Variants in CYRIA observed in about 807,000 individuals in gnomAD.
The protein encoded by CYRIA is CYFIP related Rac1 interactor A.
Under a neutral mutation model 43.9 loss-of-function variants are expected in CYRIA, and 15 were observed. That is an observed-to-expected ratio of 0.34 (90% CI 0.23 to 0.53). The LOEUF (loss-of-function observed/expected upper bound fraction) is 0.53. Ranked by LOEUF, CYRIA falls within the 20% of genes least tolerant of loss-of-function variation. The probability of loss-of-function intolerance (pLI) is 0.94; values close to 1 mark genes in which losing one functional copy is unlikely to be tolerated. For synonymous variants in CYRIA, 117 were observed against 136.0 expected, an observed-to-expected ratio of 0.86 and a Z score of 0.97; for missense variants, 236 against 394.2, an observed-to-expected ratio of 0.60 and a Z score of 3.40.
intron 3 of CYRIA, among the ~76,000 whole-genome samples, chr2:16,578,776 G>A (rs1572474950): frequency 6.6e-6 from 1 of 152,160 alleles, no homozygotes; most frequent in South Asian, 2.1e-4. Flanking sequence ...GATCTGTGAA[G>A]CAATGTCAAA....
At chr2:16,621,506 A>G (rs1329830736) in intron 2 of CYRIA, among the ~76,000 whole-genome samples, 2 of 152,124 alleles carry the variant, frequency 1.3e-5, no homozygotes, top group African/African-American at 4.8e-5. Flanking sequence ...TCTGGGGAAG[A>G]GAAAGGAAGG....
intron 1 of CYRIA, among the ~76,000 whole-genome samples, chr2:16,660,160 C>A (rs1386359212): frequency 1.3e-5 from 2 of 152,168 alleles, no homozygotes; most frequent in African/African-American, 4.8e-5. Context: ...GGAAATGAGT[C>A]CAAGAGCTTA....
intron 1 of CYRIA, among the ~76,000 whole-genome samples, chr2:16,631,734 T>A (rs1457177772): frequency 6.6e-6 from 1 of 152,142 alleles, no homozygotes; most frequent in East Asian, 1.9e-4. Context: ...CCTAAATGAG[T>A]GAGGCCAAGC....
chr2:16,579,783 T>G (rs768490242), intron 3 of CYRIA, among the ~76,000 whole-genome samples: 9 of 151,760 alleles, frequency 5.9e-5, no homozygotes, highest in Non-Finnish European at 1.2e-4. Flanking sequence ...AGAAGGCAAA[T>G]ATGACAAATA....
chr2:16,639,378 T>C (rs149356303), intron 1 of CYRIA, among the ~76,000 whole-genome samples: 30 of 152,384 alleles, frequency 2.0e-4, no homozygotes, highest in African/African-American at 7.0e-4. Flanking sequence ...ATATCTGATA[T>C]TCAGATGAAA....
intron 3 of CYRIA, among the ~76,000 whole-genome samples, chr2:16,584,025 A>T (rs956237614): frequency 2.0e-5 from 3 of 152,174 alleles, no homozygotes; most frequent in African/African-American, 7.2e-5. Flanking sequence ...TTAACACTCA[A>T]AGTAGAGGTG....
At chr2:16,629,593 G>A (rs371773450) in intron 1 of CYRIA, among the ~76,000 whole-genome samples, 1 of 152,216 alleles carries the variant, frequency 6.6e-6, no homozygotes, top group Non-Finnish European at 1.5e-5. Context: ...CCCCAGAGAA[G>A]CCTGCCAGCT....
chr2:16,626,199 C>T (rs536077862), intron 1 of CYRIA, among the ~76,000 whole-genome samples: 16 of 152,054 alleles, frequency 1.1e-4, no homozygotes, highest in Non-Finnish European at 2.1e-4. Flanking sequence ...ATTCATAGAC[C>T]CCTGATGGGC....
chr2:16,635,340 A>G (rs565565612), intron 1 of CYRIA, among the ~76,000 whole-genome samples: 1 of 152,312 alleles, frequency 6.6e-6, no homozygotes, highest in East Asian at 1.9e-4. Flanking sequence ...ACACATCAGC[A>G]TGCACAAGGA....
At chr2:16,636,120 G>A (rs1041515245) in intron 1 of CYRIA, among the ~76,000 whole-genome samples, 1 of 152,090 alleles carries the variant, frequency 6.6e-6, no homozygotes, top group African/African-American at 2.4e-5. Context: ...AGTAGGGGGT[G>A]AGGTGTAACC....
intron 1 of CYRIA, among the ~76,000 whole-genome samples, chr2:16,648,273 T>G (rs1669873511): frequency 6.7e-6 from 1 of 149,444 alleles, no homozygotes; most frequent in Non-Finnish European, 1.5e-5. Flanking sequence ...TTTGTAAATT[T>G]AAGAGGCTAC....
intron 1 of CYRIA, 43 bp downstream of exon 1, chr2:16,665,737 C>T (rs1670376013): frequency 6.8e-6 from 1 of 146,304 alleles, no homozygotes; most frequent in South Asian, 1.8e-4. Flanking sequence ...CCCGCAGACC[C>T]CCGCCCGCGC....
At chr2:16,663,551 G>A (rs1327505030) in intron 1 of CYRIA, among the ~76,000 whole-genome samples, 1 of 151,896 alleles carries the variant, frequency 6.6e-6, no homozygotes, top group Admixed American at 6.6e-5. Context: ...GCCCTGGGGA[G>A]CTATGAACTC....
intron 2 of CYRIA, among the ~76,000 whole-genome samples, chr2:16,614,651 C>T (rs13003944): frequency 6.6e-6 from 1 of 152,176 alleles, no homozygotes; most frequent in Non-Finnish European, 1.5e-5. Flanking sequence ...AGTTGCTCCC[C>T]AGCTCATATC....
At chr2:16,576,269 C>T (rs190804992) in intron 3 of CYRIA, among the ~76,000 whole-genome samples, 8 of 151,926 alleles carry the variant, frequency 5.3e-5, no homozygotes, top group Admixed American at 6.6e-5. Flanking sequence ...ACAGGTGATG[C>T]GGAGGATGAA....
At chr2:16,567,592 A>G (rs1338944032) in intron 3 of CYRIA, among the ~76,000 whole-genome samples, 1 of 152,108 alleles carries the variant, frequency 6.6e-6, no homozygotes, top group African/African-American at 2.4e-5. Context: ...ACCGGAGCCC[A>G]TGGAGATTTT....
intron 2 of CYRIA, among the ~76,000 whole-genome samples, chr2:16,592,220 CA>C (rs1667957848): frequency 1.3e-5 from 2 of 152,026 alleles, no homozygotes; most frequent in Admixed American, 1.3e-4. Flanking sequence ...ATAAATATTC[CA>C]AAATTTAAAA....
At chr2:16,572,280 A>T (rs763298970) in intron 3 of CYRIA, among the ~76,000 whole-genome samples, 9 of 152,192 alleles carry the variant, frequency 5.9e-5, no homozygotes, top group Non-Finnish European at 1.3e-4. Context: ...CATAATGAAG[A>T]TGATGGAATA....
intron 3 of CYRIA, among the ~76,000 whole-genome samples, chr2:16,575,085 C>T (rs927962251): frequency 2.6e-5 from 4 of 152,170 alleles, no homozygotes; most frequent in Admixed American, 6.5e-5. Flanking sequence ...GGGAGCCCAC[C>T]TCTTGCATCA....
Sources: allele counts gnomAD v4.1 joint callset (sites outside exome capture counted in the v4.1 genomes callset), GRCh38; gene constraint gnomAD v4.1.1; transcripts MANE v1.5; gene names NCBI Gene and HGNC (gene_info 2026-07-23, HGNC 2026-07-21).